Variants in PLXDC2 observed in about 807,000 individuals in gnomAD.
PLXDC2 encodes plexin domain containing 2.
In PLXDC2, 40 loss-of-function variants were observed where a neutral mutation model predicts 68.9. That is an observed-to-expected ratio of 0.58 (90% CI 0.45 to 0.76). The LOEUF (loss-of-function observed/expected upper bound fraction) is 0.76. Among genes scored for constraint, PLXDC2 ranks in the 30% least tolerant of loss-of-function variants. The pLI is 0.00. For synonymous variants in PLXDC2, 243 were observed against 234.2 expected (o/e 1.04, Z -0.34); for missense variants, 644 against 661.9 (o/e 0.97, Z 0.30).
rs866613462 is a variant in PLXDC2 at position 20,189,508 on chromosome 10, C to T, written c.1061+12099C>T. Among the ~76,000 whole-genome samples the T allele has an allele frequency of 7.3e-3, 352 of 48,158 alleles. 1 individual carries two copies. The highest frequency in any genetic ancestry group is 0.02 in the African/African-American group (268 of 13,730). 31.6% of individuals were successfully genotyped at this position (48,158 alleles called of 152,430 possible). ...ATATATATATATATATATATATACA[C>T]ATACACACACATATATATACACACA... On this transcript the variant is annotated intron_variant, in intron 9 of 13. Transcript: ENST00000377252.
At chr10:20,003,356 A>G (rs1427994858) in intron 2 of PLXDC2, among the ~76,000 whole-genome samples, 2 of 152,182 alleles carry the variant, frequency 1.3e-5, no homozygotes, top group Admixed American at 6.5e-5. Flanking sequence ...GGTGAAAAAT[A>G]GAAGGTTCAG....
intron 2 of PLXDC2, among the ~76,000 whole-genome samples, chr10:20,020,443 AC>A (rs1835288850): frequency 6.6e-6 from 1 of 151,860 alleles, no homozygotes; most frequent in South Asian, 2.1e-4. Context: ...AAAAGAAGCC[AC>A]TTTAATTTTC....
chr10:20,068,225 C>T lies in PLXDC2; in HGVS notation c.527C>T (p.Thr176Ile). ...PFYGHFLREI[T>I]VATGGFIYTG... ...TATGGCCACTTCCTACGTGAAATCACTGTGGCAACCGGGGGTAAGTGGTTT... is the reference window on the plus strand; with the variant it reads ...TATGGCCACTTCCTACGTGAAATCATTGTGGCAACCGGGGGTAAGTGGTTT... Residue 176 changes from threonine (T) to isoleucine (I), a missense_variant, in exon 4 of 14, where the codon ACT becomes ATT. By Grantham distance (89) the Thr-to-Ile change is moderately conservative. This residue lies in a region of PLXDC2 where 113 missense variants were observed against 167.1 expected (regional missense o/e 0.68). Transcript: ENST00000377252. The T allele has an allele frequency of 1.2e-6, 2 of 1,612,466 alleles. No individual in the cohort carries two copies. Among genetic ancestry groups the T allele is most frequent in the Non-Finnish European group, 1.7e-6 (2 of 1,178,898 alleles).
chr10:19,829,091 G>A (rs146596315), intron 1 of PLXDC2, among the ~76,000 whole-genome samples: 9 of 149,420 alleles, frequency 6.0e-5, no homozygotes, highest in East Asian at 3.9e-4. Context: ...CAGGATCCCC[G>A]TACATTGTCT....
At chr10:20,075,426 G>C (rs1238574152) in intron 4 of PLXDC2, among the ~76,000 whole-genome samples, 1 of 152,170 alleles carries the variant, frequency 6.6e-6, no homozygotes, top group Non-Finnish European at 1.5e-5. Flanking sequence ...CTAGCCTCTA[G>C]CAATCCTCCC....
At chr10:20,012,652 T>G (rs893965919) in intron 2 of PLXDC2, among the ~76,000 whole-genome samples, 5 of 152,076 alleles carry the variant, frequency 3.3e-5, no homozygotes, top group African/African-American at 1.2e-4. Flanking sequence ...ATAAAAATAT[T>G]TGCATGTCTT....
At chr10:20,082,947 A>ATATG (rs143600746) in intron 4 of PLXDC2, among the ~76,000 whole-genome samples, 16,903 of 151,682 alleles carry the variant, frequency 0.11, 1,078 homozygotes, top group South Asian at 0.3. Flanking sequence ...ATATGTACAT[A>ATATG]TATGTATGTA....
chr10:20,014,526 TA>T (rs1396475605), intron 2 of PLXDC2, among the ~76,000 whole-genome samples: 1 of 151,930 alleles, frequency 6.6e-6, no homozygotes, highest in Non-Finnish European at 1.5e-5. Flanking sequence ...TAAATCTGTT[TA>T]TTTCAGGACA....
intron 1 of PLXDC2, among the ~76,000 whole-genome samples, chr10:19,915,764 T>C (rs1051383436): frequency 6.6e-6 from 1 of 152,052 alleles, no homozygotes; most frequent in South Asian, 2.1e-4. Context: ...TTAGGTATGA[T>C]AAGAGGGTGG....
At chr10:20,040,967 T>G (rs186162749) in intron 2 of PLXDC2, among the ~76,000 whole-genome samples, 74 of 152,326 alleles carry the variant, frequency 4.9e-4, no homozygotes, top group African/African-American at 1.6e-3. Flanking sequence ...AAACATTAGA[T>G]AGTTATTTTT....
intron 2 of PLXDC2, among the ~76,000 whole-genome samples, chr10:20,043,006 A>G (rs142715855): frequency 1.3e-5 from 2 of 152,306 alleles, no homozygotes; most frequent in African/African-American, 4.8e-5. Flanking sequence ...TTACTTTTGA[A>G]AAGAAAATGA....
intron 9 of PLXDC2, among the ~76,000 whole-genome samples, chr10:20,180,438 G>C (rs949659163): frequency 6.6e-6 from 1 of 151,952 alleles, no homozygotes; most frequent in African/African-American, 2.4e-5. Flanking sequence ...CCTTAGACCT[G>C]TAATCTTCGA....
chr10:20,185,031 G>A (rs1834662453), intron 9 of PLXDC2, among the ~76,000 whole-genome samples: 1 of 151,634 alleles, frequency 6.6e-6, no homozygotes, highest in Admixed American at 6.6e-5. Flanking sequence ...AGAGCATTAG[G>A]ACAAATACCT....
chr10:20,117,946 CA>C (rs1430600678), intron 4 of PLXDC2, among the ~76,000 whole-genome samples: 1 of 152,074 alleles, frequency 6.6e-6, no homozygotes, highest in African/African-American at 2.4e-5. Flanking sequence ...GATTTTACTG[CA>C]GTTCAGATTT....
chr10:20,097,279 G>C (rs750852677), intron 4 of PLXDC2, among the ~76,000 whole-genome samples: 1 of 152,172 alleles, frequency 6.6e-6, no homozygotes, highest in Non-Finnish European at 1.5e-5. Flanking sequence ...TTCACAGCTA[G>C]TGCTGACTTT....
At chr10:20,107,429 T>C (rs899606718) in intron 4 of PLXDC2, among the ~76,000 whole-genome samples, 4 of 152,150 alleles carry the variant, frequency 2.6e-5, no homozygotes, top group African/African-American at 7.2e-5. Context: ...GGCATATGCA[T>C]TGATGGAAAA....
intron 2 of PLXDC2, among the ~76,000 whole-genome samples, chr10:20,020,177 A>ATTTTTTTTTTTTTTTTTTTTTT (rs1564659038): frequency 4.1e-5 from 4 of 98,186 alleles, no homozygotes; most frequent in African/African-American, 1.8e-4. Context: ...ACACCCAGCA[A>ATTTTTTTTTTTTTTTTTTTTTT]ATTTTTTTTT....
intron 4 of PLXDC2, among the ~76,000 whole-genome samples, chr10:20,096,055 T>C (rs1415161003): frequency 1.3e-5 from 2 of 152,218 alleles, no homozygotes; most frequent in South Asian, 2.1e-4. Context: ...TTTCTTCTTC[T>C]TCTTCTTTTC....
At chr10:20,133,434 G>A (rs1833894249) in intron 4 of PLXDC2, among the ~76,000 whole-genome samples, 1 of 152,098 alleles carries the variant, frequency 6.6e-6, no homozygotes. Context: ...GGGAAATTCT[G>A]TCTCTCTTTT....
Sources: allele counts gnomAD v4.1 joint callset (sites outside exome capture counted in the v4.1 genomes callset), GRCh38; gene constraint gnomAD v4.1.1; regional missense constraint gnomAD v4.1.1; transcripts MANE v1.5; gene names NCBI Gene and HGNC (gene_info 2026-07-23, HGNC 2026-07-21).